The following HELZ2 variants were observed in gnomAD, a reference collection of about 807,000 sequenced individuals.
HELZ2 encodes the protein 3'-5' exoribonuclease HELZ2.
Under a neutral mutation model 208.8 loss-of-function variants are expected in HELZ2, and 143 were observed. That is an observed-to-expected ratio of 0.68 (90% confidence interval 0.60 to 0.79). HELZ2 has a LOEUF of 0.79. HELZ2 is among the 30% of genes least tolerant of loss of function. The pLI is 0.00. For synonymous variants in HELZ2, 1,705 were observed against 1,693.7 expected, an observed-to-expected ratio of 1.01 and a Z score of -0.16; for missense variants, 3,690 against 3,794.5, an observed-to-expected ratio of 0.97 and a Z score of 0.72.
intron 5 of HELZ2, 91 bp downstream of exon 6, chr20:63,568,267 G>A: frequency 1.0e-6 from 1 of 963,700 alleles, no homozygotes; most frequent in South Asian, 1.4e-5. Context: ...AGAATCAGAG[G>A]ACTGGAGCAC....
At chr20:63,570,103 C>CAT (rs972604694) in intron 3 of HELZ2, 2 of 388,500 alleles carry the variant, frequency 5.1e-6, no homozygotes, top group African/African-American at 4.3e-5. Context: ...CACCCACCAC[C>CAT]ATGCCTGGCT....
chr20:63,572,023 C>T (rs2083020284), intron 1 of HELZ2, 85 bp downstream of exon 2: 1 of 1,447,700 alleles, frequency 6.9e-7, no homozygotes, highest in East Asian at 2.4e-5. Flanking sequence ...TGGGCTCCTG[C>T]CCCACTCCAA....
In HELZ2 at chr20:63,561,776, C is replaced by A. The variant is rs757397556; in HGVS notation, c.6692-31G>T. The A allele has an allele frequency of 1.7e-5, 27 of 1,563,350 alleles. 1 individual carries two copies. In the South Asian group the frequency reaches 3.0e-4, roughly 18 times the overall value. The stretch of plus-strand genomic sequence containing the variant: ...GGTAGTTGGGGGACGTGAGTCCTGC[C>A]CCGCGTGCCAGCTCCCCAAAGGCCC... On this transcript the variant is annotated intron_variant, in intron 11 of 18. Transcript: ENST00000467148.
At chr20:63,560,290 A>C (rs1281115200) in exon 17 of HELZ2, 1 of 1,561,158 alleles carries the variant, frequency 6.4e-7, no homozygotes, top group Non-Finnish European at 8.6e-7. Flanking sequence ...CTGGGGCTCT[A>C]CGGTCCTCCC....
exon 8 of HELZ2, chr20:63,564,278 G>A: frequency 6.2e-7 from 1 of 1,610,520 alleles, no homozygotes. Context: ...GAAGCCCAGG[G>A]TGCCGTCCTC....
chr20:63,562,955 C>T (rs774169245), exon 8 of HELZ2: 71 of 1,590,592 alleles, frequency 4.5e-5, no homozygotes, highest in Admixed American at 1.6e-4. Context: ...GGCAACCGCG[C>T]CGGTGGCCGA....
exon 8 of HELZ2, chr20:63,564,050 G>A: frequency 1.2e-6 from 2 of 1,605,324 alleles, no homozygotes; most frequent in Non-Finnish European, 1.7e-6. Context: ...CGTGTCGGGG[G>A]GACTGCCCCC....
chr20:63,569,526 A>C, exon 4 of HELZ2: 4 of 1,609,458 alleles, frequency 2.5e-6, no homozygotes, highest in Non-Finnish European at 3.4e-6. Context: ...ACGCACTCCC[A>C]CCTGGAAGTC....
At chr20:63,562,475 C>T (rs746581113) in intron 8 of HELZ2, 45 bp downstream of exon 9, 20 of 1,528,922 alleles carry the variant, frequency 1.3e-5, no homozygotes, top group African/African-American at 8.3e-5. Flanking sequence ...GTGAGGGGCC[C>T]GGGGCGGTCC....
exon 8 of HELZ2, chr20:63,563,232 G>GATGCAC (rs1336773000): frequency 6.4e-7 from 1 of 1,564,922 alleles, no homozygotes; most frequent in Non-Finnish European, 8.6e-7. Flanking sequence ...CAGTGGCTCC[G>GATGCAC]CTGCACCTGC....
Position 63,560,745 on chromosome 20 carries a change from G to C in HELZ2, c.7282-48C>G. ...GTCAGAGGCTGCCACGCGGGGTTGT[G>C]GCCCCCCAGGGGCTGCAGGTGGGCT... On this transcript the variant is annotated intron_variant, in intron 15 of 18. Transcript: ENST00000467148. 3.1e-6 allele frequency: 5 copies of C among 1,604,180 alleles called. No homozygotes were observed. In the East Asian group the frequency reaches 1.1e-4, roughly 36 times the overall value.
At chr20:63,559,202 A>G (rs754622226) in exon 19 of HELZ2, 27 of 1,476,082 alleles carry the variant, frequency 1.8e-5, no homozygotes, top group Non-Finnish European at 1.9e-5. Flanking sequence ...GGGGCCCTGG[A>G]CTTTCCCTCC....
chr20:63,566,143 G>C, exon 8 of HELZ2: 1 of 1,565,336 alleles, frequency 6.4e-7, no homozygotes, highest in Non-Finnish European at 8.6e-7. Flanking sequence ...CGCGGGCGTC[G>C]GTGAAGAACT....
chr20:63,559,555 GGGA>G lies in HELZ2; in HGVS notation c.7826-188_7826-186del, dbSNP rs758070713. Among the ~76,000 whole-genome samples, 90 of 67,556 alleles carry G rather than the reference GGGA, an allele frequency of 1.3e-3. 27 individuals are homozygous for G. In the East Asian group the frequency reaches 0.057, roughly 43 times the overall value. The allele number at this position is 67,556 out of a possible 152,430, so 44.3% of individuals were successfully genotyped here. ...CAGGTGGGAGGAGTCAGGGTCAGGT[GGGA>G]GGAGTCAGGGTCAGGTGGGAGGAGT... is the stretch of plus-strand genomic sequence containing the variant. On this transcript the variant is annotated intron_variant, in intron 18 of 18. Transcript: ENST00000467148.
Position 63,562,754 on chromosome 20 carries a change from C to T in HELZ2, c.6068G>A (p.Arg2023His), listed in dbSNP as rs34941510. Reference sequence around the variant, plus strand: ...AGGGCCGAGGCTGCTGGGCCCAGGGCGTGGGCTGGCCGTGGGAGCCGGCAG... The same window carrying T: ...AGGGCCGAGGCTGCTGGGCCCAGGGTGTGGGCTGGCCGTGGGAGCCGGCAG... Residue 2023 changes from arginine to histidine, a missense_variant, in exon 8 of 19, where the codon CGC becomes CAC. By Grantham distance (29) the Arg-to-His change is conservative (BLOSUM62 0). Around this residue, in one of 3 missense-constraint regions of HELZ2, gnomAD observed 2,564 missense variants for 2,580.5 expected, o/e 0.99. Transcript: ENST00000467148. The T allele has an allele frequency of 9.6e-4, 1,542 of 1,603,030 alleles. 12 individuals are homozygous for T. The African/African-American group carries it at 0.018, about 18-fold the overall frequency.
At chr20:63,562,464 A>G in intron 8 of HELZ2, 56 bp downstream of exon 9, 1 of 1,521,488 alleles carries the variant, frequency 6.6e-7, no homozygotes, top group Non-Finnish European at 8.8e-7. Flanking sequence ...CCCTCCTGCA[A>G]GTGAGGGGCC....
chr20:63,560,898 C>A (rs142851871), exon 15 of HELZ2: 2 of 1,613,074 alleles, frequency 1.2e-6, no homozygotes, highest in East Asian at 4.5e-5. Flanking sequence ...GACCACAGGC[C>A]GCAGCTGCTT....
upstream of HELZ2, chr20:63,572,822 C>T (rs1228696621): frequency 2.4e-5 from 4 of 164,566 alleles, no homozygotes; most frequent in Non-Finnish European, 5.3e-5. Flanking sequence ...GTTTCGGTGG[C>T]GCCGGCAGCC....
chr20:63,562,815 A>C (rs1249457808), exon 8 of HELZ2: 1 of 1,610,662 alleles, frequency 6.2e-7, no homozygotes, highest in East Asian at 2.2e-5. Flanking sequence ...CAGCAGCTGA[A>C]GTTGATGTCG....
Sources: allele counts gnomAD v4.1 joint callset (sites outside exome capture counted in the v4.1 genomes callset), GRCh38; gene constraint gnomAD v4.1.1; regional missense constraint gnomAD v4.1.1; transcripts MANE v1.5; gene names NCBI Gene and HGNC (gene_info 2026-07-23, HGNC 2026-07-21).